NIPSNAP3B: variants seen among roughly 807,000 people sequenced by gnomAD.
NIPSNAP3B encodes protein NipSnap homolog 3B.
In NIPSNAP3B, 30 loss-of-function variants were observed where a neutral mutation model predicts 31.5. That is an observed-to-expected ratio of 0.95 (90% CI 0.71 to 1.29). NIPSNAP3B has a LOEUF of 1.29. NIPSNAP3B is among the 50% of genes most tolerant of loss of function. NIPSNAP3B has a pLI of 0.00. For missense variants in NIPSNAP3B, 269 were observed against 300.7 expected (o/e 0.89, Z 0.78); for synonymous variants, 106 against 107.9 (o/e 0.98, Z 0.11).
intron 2 of NIPSNAP3B, among the ~76,000 whole-genome samples, chr9:104,768,540 T>C (rs140711070): frequency 1.3e-5 from 2 of 152,348 alleles, no homozygotes; most frequent in African/African-American, 4.8e-5. Context: ...GTAGATGTTA[T>C]ACTATTTTCT....
chr9:104,772,670 C>T, intron 4 of NIPSNAP3B, 152 bp from the exon 5 acceptor site: 2 of 918,870 alleles, frequency 2.2e-6, no homozygotes, highest in South Asian at 3.1e-5. Context: ...TTCCAAATTT[C>T]TGATCCCTCT....
chr9:104,790,840 TA>T, the NIPSNAP3B span: 1 of 972,946 alleles, frequency 1.0e-6, no homozygotes, highest in African/African-American at 1.6e-5. Context: ...AATACCACTG[TA>T]ATCAAAAATA....
the NIPSNAP3B span, chr9:104,785,450 G>A: frequency 9.0e-7 from 1 of 1,109,100 alleles, no homozygotes; most frequent in Non-Finnish European, 1.3e-6. Flanking sequence ...GTCGCTTTTT[G>A]CTCTGGGAGA....
intron 2 of NIPSNAP3B, among the ~76,000 whole-genome samples, 193 bp downstream of exon 2, chr9:104,766,728 C>T (rs1215757503): frequency 2.0e-5 from 3 of 152,126 alleles, no homozygotes; most frequent in Non-Finnish European, 4.4e-5. Context: ...CTTGCTTGAA[C>T]TCTTATGTTA....
the NIPSNAP3B span, chr9:104,786,777 C>T: frequency 8.4e-7 from 1 of 1,188,570 alleles, no homozygotes; most frequent in Non-Finnish European, 1.3e-6. Flanking sequence ...TTACTCTTTG[C>T]TTTTCTGTAT....
At position 104,768,890 on chromosome 9, in the gene NIPSNAP3B, G is replaced by A. The variant is rs758266176; in HGVS notation, c.299G>A (p.Arg100Gln). 15 of 1,606,530 alleles carry A rather than the reference G, an allele frequency of 9.3e-6. No individual in the cohort carries two copies. Among genetic ancestry groups the A allele is most frequent in the Admixed American group, 5.1e-5 (3 of 58,304 alleles). ...YDNFAHRAEV[R>Q]KALANCKEWQ... Reference sequence around the variant, plus strand: ...AATTTTGCTCATCGAGCTGAAGTTCGGAAAGCCTTAGCCAACTGTAAGGAA... The same window carrying A: ...AATTTTGCTCATCGAGCTGAAGTTCAGAAAGCCTTAGCCAACTGTAAGGAA... The change falls in exon 3 of 6, where the codon CGG becomes CAG. Residue 100 changes from arginine (R) to glutamine (Q), a missense_variant. Physicochemically the swap from Arg to Gln is conservative, Grantham distance 43 (BLOSUM62 1). Coordinates refer to ENST00000374762, the MANE Select transcript of NIPSNAP3B (RefSeq NM_018376.4).
In NIPSNAP3B at chr9:104,774,639, G is replaced by C. The variant is rs1034518003; in HGVS notation, c.*1566G>C. Among the ~76,000 whole-genome samples, 3 of 152,032 alleles carry C rather than the reference G, an allele frequency of 2.0e-5. No individual in the cohort carries two copies. Among genetic ancestry groups the C allele is most frequent in the African/African-American group, 7.2e-5 (3 of 41,384 alleles). On this transcript the variant is annotated 3_prime_UTR_variant, in exon 6 of 6. Coordinates refer to ENST00000374762, the MANE Select transcript of NIPSNAP3B (RefSeq NM_018376.4). ...ATCTTTTTTAATGGGTACACTCTAC[G>C]TTACCTTAAAGGCTTCCCCGGTTTA...
rs1041789373 is a variant in NIPSNAP3B at position 104,775,500 on chromosome 9, G to T, written c.*2427G>T. 1.3e-5 allele frequency among the ~76,000 whole-genome samples: 2 copies of T among 152,116 alleles called. No homozygotes were observed. Among genetic ancestry groups the T allele is most frequent in the Non-Finnish European group, 2.9e-5 (2 of 68,022 alleles). The stretch of plus-strand genomic sequence containing the variant: ...CTCTGATGTAAGGACTGAGTCCTTG[G>T]ACCACTTCTCTTTTCTATTTATACT... On this transcript the variant is annotated 3_prime_UTR_variant, in exon 6 of 6. Coordinates refer to ENST00000374762, the MANE Select transcript of NIPSNAP3B (RefSeq NM_018376.4).
the NIPSNAP3B span, among the ~76,000 whole-genome samples, chr9:104,787,139 T>A: frequency 6.6e-6 from 1 of 152,372 alleles, no homozygotes; most frequent in African/African-American, 2.4e-5. Flanking sequence ...CAAATTCATT[T>A]GTAAACAAGG....
At chr9:104,784,836 G>T in the NIPSNAP3B span, among the ~76,000 whole-genome samples, 3 of 152,066 alleles carry the variant, frequency 2.0e-5, no homozygotes, top group Admixed American at 6.6e-5. Context: ...TAGAGACGGG[G>T]TTTCACCCTG....
chr9:104,772,241 G>A (rs1374346299), intron 4 of NIPSNAP3B, among the ~76,000 whole-genome samples: 1 of 148,802 alleles, frequency 6.7e-6, no homozygotes, highest in Non-Finnish European at 1.5e-5. Flanking sequence ...GCTCTTAAGT[G>A]TAATTAGATA....
the NIPSNAP3B span, chr9:104,786,810 C>T: frequency 2.9e-6 from 4 of 1,372,084 alleles, no homozygotes; most frequent in Non-Finnish European, 4.2e-6. Flanking sequence ...ACAAAATGAT[C>T]GCATATTCTA....
chr9:104,775,160 C>A lies in NIPSNAP3B; in HGVS notation c.*2087C>A, dbSNP rs1399130743. Reference sequence around the variant, plus strand: ...ATTCCCCTTCAACTGGATTCTTCTCCTCAGCATATAAATATACTTTTTTTT... The same window carrying A: ...ATTCCCCTTCAACTGGATTCTTCTCATCAGCATATAAATATACTTTTTTTT... On this transcript the variant is annotated 3_prime_UTR_variant, in exon 6 of 6. Transcript: ENST00000374762. Among the ~76,000 whole-genome samples the A allele has an allele frequency of 6.6e-6, 1 of 150,502 alleles. No homozygotes were observed. The highest frequency in any genetic ancestry group is 1.5e-5 in the Non-Finnish European group (1 of 67,832).
chr9:104,779,601 TG>T (rs1828414179), downstream of NIPSNAP3B, among the ~76,000 whole-genome samples: 1 of 146,076 alleles, frequency 6.8e-6, no homozygotes, highest in Non-Finnish European at 1.5e-5. Flanking sequence ...AGTAAACACT[TG>T]AAAACTGAAG....
the NIPSNAP3B span, chr9:104,784,224 C>T: frequency 6.5e-7 from 1 of 1,543,458 alleles, no homozygotes; most frequent in South Asian, 1.1e-5. Context: ...CCCACATCAA[C>T]TTCTGGCTCT....
chr9:104,770,110 T>C (rs1828181611), intron 3 of NIPSNAP3B, among the ~76,000 whole-genome samples: 1 of 152,188 alleles, frequency 6.6e-6, no homozygotes, highest in Non-Finnish European at 1.5e-5. Flanking sequence ...AGTAAAACAG[T>C]TGACTTCTCA....
At position 104,766,446 on chromosome 9, in the gene NIPSNAP3B, A is replaced by C. The variant is rs1828092092; in HGVS notation, c.182A>C (p.His61Pro). Residue 61 changes from histidine to proline, a missense_variant, in exon 2 of 6, where the codon CAT becomes CCT. Physicochemically the swap from His to Pro is moderately conservative, Grantham distance 77. Transcript: ENST00000374762. ...ATGGAAAATCTTAAGAAAAACATTC[A>C]TCTTCGGACCTCTTACTCTGAATTG... ...AFMENLKKNI[H>P]LRTSYSELVG... The C allele has an allele frequency of 1.2e-6, 2 of 1,613,894 alleles. No homozygotes were observed. The highest frequency in any genetic ancestry group is 4.5e-5 in the East Asian group (2 of 44,840).
At position 104,773,189 on chromosome 9, in the gene NIPSNAP3B, G is replaced by C. The variant is rs1828263511; in HGVS notation, c.*116G>C. The C allele has an allele frequency of 1.0e-6, 1 of 988,236 alleles. No individual in the cohort carries two copies. Among genetic ancestry groups the C allele is most frequent in the South Asian group, 1.5e-5 (1 of 65,246 alleles). The allele number at this position is 988,236 out of a possible 1,614,324, so 61.2% of individuals were successfully genotyped here. Reference sequence around the variant, plus strand: ...TTTGAAGGAGGTGGTAAGTTAATTAGTTAATTTGCTGTGCTTCTTGCATTT... The same window carrying C: ...TTTGAAGGAGGTGGTAAGTTAATTACTTAATTTGCTGTGCTTCTTGCATTT... On this transcript the variant is annotated 3_prime_UTR_variant, in exon 6 of 6. Coordinates refer to ENST00000374762, the MANE Select transcript of NIPSNAP3B (RefSeq NM_018376.4).
Position 104,770,984 on chromosome 9 carries a change from G to A in NIPSNAP3B, c.566G>A (p.Gly189Glu). The change falls in exon 4 of 6, where the codon GGA becomes GAA. Residue 189 changes from glycine to glutamate, a missense_variant. Gly to Glu is a moderately conservative substitution (Grantham distance 98, BLOSUM62 -2). Coordinates refer to ENST00000374762, the MANE Select transcript of NIPSNAP3B (RefSeq NM_018376.4). ...KVVGVFHTEY[G>E]ELNRVHVLWW... Reference sequence around the variant, plus strand: ...GTTGGTGTTTTCCACACAGAATATGGAGAACTCAACAGAGGTACAGTTGTC... The same window carrying A: ...GTTGGTGTTTTCCACACAGAATATGAAGAACTCAACAGAGGTACAGTTGTC... 6.2e-7 allele frequency: 1 copy of A among 1,613,862 alleles called. No individual in the cohort carries two copies. The highest frequency in any genetic ancestry group is 1.1e-5 in the South Asian group (1 of 91,066).
Sources: allele counts gnomAD v4.1 joint callset (sites outside exome capture counted in the v4.1 genomes callset), GRCh38; gene constraint gnomAD v4.1.1; transcripts MANE v1.5; gene names NCBI Gene and HGNC (gene_info 2026-07-23, HGNC 2026-07-21).